SDK1: variants seen among roughly 807,000 people sequenced by gnomAD.
The protein encoded by SDK1 is sidekick cell adhesion molecule 1.
In SDK1, 157 loss-of-function variants were observed where a neutral mutation model predicts 245.5. The ratio of observed to expected loss-of-function variants is 0.64; its 90% confidence interval spans 0.56 to 0.73. The LOEUF (loss-of-function observed/expected upper bound fraction) is 0.73, where lower values mean the gene tolerates loss of function less well. Ranked by LOEUF, SDK1 falls within the 30% of genes least tolerant of loss-of-function variation. SDK1 has a pLI of 0.00. For missense variants in SDK1, 3,583 were observed against 3,002.3 expected (o/e 1.19, Z -4.52); for synonymous variants, 1,647 against 1,278.5 (o/e 1.29, Z -6.15).
intron 4 of SDK1, among the ~76,000 whole-genome samples, chr7:3,660,570 G>A (rs1411513520): frequency 1.3e-5 from 2 of 152,134 alleles, no homozygotes; most frequent in East Asian, 1.9e-4. Context: ...GCTCAGCTCC[G>A]CAGCCAGGTT....
Position 3,805,526 on chromosome 7 carries a change from A to G in SDK1, c.714-15924A>G, listed in dbSNP as rs1779220303. Among the ~76,000 whole-genome samples the G allele has an allele frequency of 2.0e-5, 3 of 152,198 alleles. No individual in the cohort carries two copies. In the South Asian group the frequency reaches 6.2e-4, roughly 32 times the overall value. On this transcript the variant is annotated intron_variant, in intron 4 of 44. Transcript: ENST00000404826. ...TTTCTGCCCTGACCTATAATTAACC[A>G]TTTCTCTAAAATGTACTGGTTCTTT... is the stretch of plus-strand genomic sequence containing the variant.
chr7:3,674,517 G>A (rs889734393), intron 4 of SDK1, among the ~76,000 whole-genome samples: 3 of 152,150 alleles, frequency 2.0e-5, no homozygotes, highest in Admixed American at 6.5e-5. Flanking sequence ...AATGGAAGTG[G>A]TTAAGGAGTT....
chr7:3,583,974 T>G (rs552595242), intron 1 of SDK1, among the ~76,000 whole-genome samples: 2 of 152,116 alleles, frequency 1.3e-5, no homozygotes, highest in Non-Finnish European at 2.9e-5. Flanking sequence ...AACCCCAGTT[T>G]GGGGTCAGAC....
intron 1 of SDK1, among the ~76,000 whole-genome samples, chr7:3,311,886 G>T (rs1779559128): frequency 6.6e-6 from 1 of 152,312 alleles, no homozygotes; most frequent in South Asian, 2.1e-4. Context: ...GGTGGTTTCT[G>T]ATCTGAATAC....
At chr7:3,953,145 G>A (rs868182424) in intron 7 of SDK1, among the ~76,000 whole-genome samples, 3 of 147,972 alleles carry the variant, frequency 2.0e-5, no homozygotes, top group Non-Finnish European at 4.5e-5. Flanking sequence ...AAAAAAATTT[G>A]CAGTCTGCCA....
chr7:4,004,233 CAA>C (rs1178605192), intron 14 of SDK1, among the ~76,000 whole-genome samples: 1 of 152,154 alleles, frequency 6.6e-6, no homozygotes, highest in Non-Finnish European at 1.5e-5. Flanking sequence ...AAATAGATCC[CAA>C]GGGAGCTCAG....
intron 1 of SDK1, among the ~76,000 whole-genome samples, chr7:3,539,064 C>T (rs552926348): frequency 1.3e-5 from 2 of 152,196 alleles, no homozygotes; most frequent in South Asian, 2.1e-4. Context: ...ATACTTTCTG[C>T]GATCATTATG....
intron 1 of SDK1, among the ~76,000 whole-genome samples, chr7:3,419,853 C>G (rs1465991844): frequency 2.0e-5 from 3 of 152,130 alleles, no homozygotes; most frequent in Admixed American, 1.3e-4. Flanking sequence ...TGGTATTAAT[C>G]CCTGTCTAGA....
In SDK1 at chr7:3,656,772, G is replaced by A. The variant is rs1440070971; in HGVS notation, c.713+14667G>A. Reference sequence around the variant, plus strand: ...TTTTTTTTTTTTGAGACGGAGTCTCGCTCTGTCGCCCAGGCCGGACTGCGG... The same window carrying A: ...TTTTTTTTTTTTGAGACGGAGTCTCACTCTGTCGCCCAGGCCGGACTGCGG... On this transcript the variant is annotated intron_variant, in intron 4 of 44. Coordinates refer to ENST00000404826, the MANE Select transcript of SDK1 (RefSeq NM_152744.4). 1.1e-3 allele frequency among the ~76,000 whole-genome samples: 152 copies of A among 144,304 alleles called. 1 individual carries two copies. Among genetic ancestry groups the A allele is most frequent in the Non-Finnish European group, 1.9e-4 (13 of 66,916 alleles). The allele number at this position is 144,304 out of a possible 152,430, so 94.7% of individuals were successfully genotyped here.
chr7:3,666,841 G>A (rs766661213), intron 4 of SDK1, among the ~76,000 whole-genome samples: 77 of 152,278 alleles, frequency 5.1e-4, no homozygotes, highest in Non-Finnish European at 9.1e-4. Context: ...CTTGCAGGGT[G>A]GAAACGAGGG....
chr7:3,485,683 G>T (rs1425975532), intron 1 of SDK1, among the ~76,000 whole-genome samples: 45 of 38,176 alleles, frequency 1.2e-3, no homozygotes, highest in Admixed American at 1.4e-3. Context: ...TCTTTGGAGG[G>T]TTTTTTTTTT....
intron 1 of SDK1, among the ~76,000 whole-genome samples, chr7:3,503,390 C>T (rs780151459): frequency 2.0e-5 from 3 of 152,126 alleles, no homozygotes; most frequent in Non-Finnish European, 2.9e-5. Flanking sequence ...GTTAAGAAAA[C>T]AACTTCAGGT....
intron 4 of SDK1, among the ~76,000 whole-genome samples, chr7:3,719,655 A>G (rs916455115): frequency 1.3e-5 from 2 of 152,238 alleles, no homozygotes; most frequent in African/African-American, 2.4e-5. Context: ...TCAAAAAAGT[A>G]TCACATAAAA....
At chr7:3,518,151 G>A (rs903810883) in intron 1 of SDK1, among the ~76,000 whole-genome samples, 1 of 152,082 alleles carries the variant, frequency 6.6e-6, no homozygotes, top group Non-Finnish European at 1.5e-5. Flanking sequence ...CCCAGTTTGA[G>A]TATGAGGCAG....
In SDK1 at chr7:3,567,305, G is replaced by A. The variant is rs1459594882; in HGVS notation, c.299-51775G>A. Among the ~76,000 whole-genome samples, 6 of 152,294 alleles carry A rather than the reference G, an allele frequency of 3.9e-5. No homozygotes were observed. In the East Asian group the frequency reaches 9.6e-4, roughly 24 times the overall value. On this transcript the variant is annotated intron_variant, in intron 1 of 44. Coordinates refer to ENST00000404826, the MANE Select transcript of SDK1 (RefSeq NM_152744.4). ...CGTGGGTTGTTGTGAGAATGAAATG[G>A]CTTGATACCTGCAACAGGATTAGAA...
At chr7:4,148,410 A>T (rs1173287823) in intron 29 of SDK1, among the ~76,000 whole-genome samples, 1 of 152,234 alleles carries the variant, frequency 6.6e-6, no homozygotes, top group Non-Finnish European at 1.5e-5. Context: ...TGGGCACTCC[A>T]GGCCGGGCCT....
intron 1 of SDK1, among the ~76,000 whole-genome samples, chr7:3,559,447 C>A (rs935244348): frequency 2.6e-5 from 4 of 151,988 alleles, no homozygotes; most frequent in African/African-American, 9.7e-5. Context: ...TTTCTTTTGC[C>A]AGAAAATGGA....
intron 24 of SDK1, 50 bp downstream of exon 24, chr7:4,113,489 C>T: frequency 6.3e-7 from 1 of 1,592,504 alleles, no homozygotes; most frequent in Non-Finnish European, 8.6e-7. Context: ...CCTGAGTGAG[C>T]CAGGGCACAC....
intron 5 of SDK1, among the ~76,000 whole-genome samples, chr7:3,925,929 GT>G (rs1779750955): frequency 6.6e-6 from 1 of 152,174 alleles, no homozygotes; most frequent in Non-Finnish European, 1.5e-5. Flanking sequence ...CCACAAGTAG[GT>G]TTTTGCAATA....
Sources: gnomAD v4.1 joint callset for allele counts (sites outside exome capture counted in the v4.1 genomes callset) on GRCh38, gnomAD v4.1.1 for gene constraint, MANE v1.5 for transcripts, NCBI Gene and HGNC (gene_info 2026-07-23, HGNC 2026-07-21) for gene names.